INTU: variants seen among roughly 807,000 people sequenced by gnomAD.
The protein encoded by INTU is inturned planar cell polarity protein.
INTU carries 68 observed loss-of-function variants against 100.5 expected under a neutral mutation model. The observed-to-expected ratio is 0.68, with a 90% CI of 0.56 to 0.83. The LOEUF is 0.83. INTU is among the 40% of genes least tolerant of loss of function. INTU has a pLI of 0.00. For missense variants in INTU, 1,071 were observed against 1,114.7 expected (o/e 0.96, Z 0.56); for synonymous variants, 357 against 395.7 (o/e 0.90, Z 1.16).
Position 127,721,142 on chromosome 4 carries a change from A to C in INTU, c.*4706A>C, listed in dbSNP as rs1731340579. ...CCTTTCCATATTGAGTGCTTCCTTC[A>C]GGAGCACTTGCAAGGCAGGCCTGGT... On this transcript the variant is annotated 3_prime_UTR_variant, in exon 16 of 16. Coordinates refer to ENST00000335251, the MANE Select transcript of INTU (RefSeq NM_015693.4). The C allele has an allele frequency of 6.6e-6, 1 of 152,116 alleles. No homozygotes were observed. The highest frequency in any genetic ancestry group is 6.5e-5 in the Admixed American group (1 of 15,276). The allele number at this position is 152,116 out of a possible 1,614,324, so 9.4% of individuals were successfully genotyped here. A position where few individuals can be genotyped will look rare whatever the true frequency, so the allele number is the denominator to read the frequency against.
intron 6 of INTU, among the ~76,000 whole-genome samples, chr4:127,679,952 A>G (rs1324452528): frequency 5.3e-5 from 8 of 152,232 alleles, no homozygotes; most frequent in African/African-American, 1.2e-4. Context: ...ATTACAAACT[A>G]CCGTCAGAGA....
chr4:127,664,754 G>A (rs1046157897), intron 4 of INTU, among the ~76,000 whole-genome samples: 1 of 151,508 alleles, frequency 6.6e-6, no homozygotes, highest in African/African-American at 2.4e-5. Context: ...GTGTCTTTAT[G>A]TATTTGACAT....
At chr4:127,677,628 A>G (rs1215226605) in intron 6 of INTU, among the ~76,000 whole-genome samples, 1 of 152,170 alleles carries the variant, frequency 6.6e-6, no homozygotes, top group Non-Finnish European at 1.5e-5. Flanking sequence ...GACCAAAAGT[A>G]GATAAAACCA....
intron 7 of INTU, 127 bp from the exon 8 acceptor site, chr4:127,687,551 A>G (rs1457722335): frequency 1.0e-5 from 7 of 695,990 alleles, no homozygotes; most frequent in East Asian, 2.6e-5. Context: ...CAGCAATTCT[A>G]TTGAAGGAAG....
chr4:127,656,925 A>G (rs1353878396), intron 3 of INTU, among the ~76,000 whole-genome samples: 1 of 152,206 alleles, frequency 6.6e-6, no homozygotes, highest in Admixed American at 6.5e-5. Context: ...AAAAATATCT[A>G]CAAGTAAAAT....
intron 6 of INTU, among the ~76,000 whole-genome samples, chr4:127,681,493 G>A (rs1347209281): frequency 6.6e-6 from 1 of 152,130 alleles, no homozygotes; most frequent in Admixed American, 6.6e-5. Context: ...AGAAAAACAA[G>A]CAGTGGGGAA....
At position 127,713,950 on chromosome 4, in the gene INTU, A is replaced by G. The variant is rs758149515; in HGVS notation, c.2574A>G (p.Leu858=). 9 of 1,607,288 alleles carry G rather than the reference A, an allele frequency of 5.6e-6. 1 individual carries two copies. In the Admixed American group the frequency reaches 1.5e-4, roughly 27 times the overall value. ...TTAATTTACAGAAAAAGAAAGGACTAAATAGTGGAGACCATTCAGATTCTG... is the reference window on the plus strand; with the variant it reads ...TTAATTTACAGAAAAAGAAAGGACTGAATAGTGGAGACCATTCAGATTCTG... ...QTLVEEKKKG[L]NSGDHSDSAK... Residue 858 remains leucine, a synonymous_variant, in exon 15 of 16, where the codon CTA becomes CTG. Transcript: ENST00000335251.
chr4:127,676,791 A>T (rs1254671014), intron 6 of INTU, among the ~76,000 whole-genome samples: 1 of 152,148 alleles, frequency 6.6e-6, no homozygotes, highest in East Asian at 1.9e-4. Flanking sequence ...CGAAGCAGGG[A>T]GAGGCATTGC....
intron 8 of INTU, among the ~76,000 whole-genome samples, chr4:127,698,648 A>G (rs894517222): frequency 6.6e-6 from 1 of 152,008 alleles, no homozygotes; most frequent in Non-Finnish European, 1.5e-5. Flanking sequence ...ATATTTGAGA[A>G]TTTTCCTCAT....
intron 5 of INTU, among the ~76,000 whole-genome samples, chr4:127,672,863 AG>A (rs1247928303): frequency 1.3e-5 from 2 of 152,192 alleles, no homozygotes; most frequent in African/African-American, 2.4e-5. Flanking sequence ...TTCTCTTTTT[AG>A]AACATAATTA....
chr4:127,673,521 G>T (rs1202358216), intron 5 of INTU, among the ~76,000 whole-genome samples: 1 of 151,006 alleles, frequency 6.6e-6, no homozygotes, highest in Non-Finnish European at 1.5e-5. Context: ...ATTATATTTA[G>T]TCACTTAATG....
chr4:127,710,073 T>C (rs965827977), intron 13 of INTU, among the ~76,000 whole-genome samples: 7 of 152,292 alleles, frequency 4.6e-5, no homozygotes, highest in African/African-American at 1.7e-4. Context: ...ATTAACTCCA[T>C]ATCAGAATTT....
intron 6 of INTU, among the ~76,000 whole-genome samples, chr4:127,676,963 G>A (rs1009057752): frequency 3.3e-5 from 5 of 152,158 alleles, no homozygotes; most frequent in African/African-American, 1.2e-4. Context: ...CACATGGCTC[G>A]GAGGGTCCTA....
intron 10 of INTU, 42 bp downstream of exon 10, chr4:127,704,332 A>G (rs1236499526): frequency 7.0e-7 from 1 of 1,420,060 alleles, no homozygotes; most frequent in East Asian, 2.3e-5. Flanking sequence ...CTGCTGTATA[A>G]AGAGAACTAA....
intron 1 of INTU, among the ~76,000 whole-genome samples, chr4:127,642,132 G>C (rs1378555872): frequency 1.3e-5 from 2 of 152,038 alleles, no homozygotes; most frequent in Admixed American, 1.3e-4. Context: ...GATTATGGTG[G>C]GGATATAGTT....
Position 127,706,805 on chromosome 4 carries a change from A to T in INTU, c.2107A>T (p.Lys703Ter), listed in dbSNP as rs761997850. The change falls in exon 12 of 16, where the codon AAG becomes TAG. Residue 703 changes from lysine to a stop codon, truncating the protein, a stop_gained. Transcript: ENST00000335251. LOFTEE classifies it high-confidence loss of function. ...RRTLFGDYSL[K>*]TRKPSPSCSS... ...AACGCTTTTTGGTGACTATTCCTTA[A>T]AGACACGCAAGCCTAGTCCTTCCTG... 6.2e-7 allele frequency: 1 copy of T among 1,614,124 alleles called. No homozygotes were observed. Among genetic ancestry groups the T allele is most frequent in the South Asian group, 1.1e-5 (1 of 91,086 alleles).
intron 2 of INTU, among the ~76,000 whole-genome samples, chr4:127,654,718 G>A (rs1337844091): frequency 4.8e-5 from 7 of 146,992 alleles, no homozygotes; most frequent in South Asian, 2.3e-4. Context: ...TGCTCTTCTC[G>A]AGGAGTATCT....
rs562095512 is a variant in INTU, at chr4:127,665,396, T to C, written c.972+1812T>C. Among the ~76,000 whole-genome samples, 4 of 152,144 alleles carry C rather than the reference T, an allele frequency of 2.6e-5. No individual in the cohort carries two copies. The South Asian group carries it at 8.3e-4, about 32-fold the overall frequency. On this transcript the variant is annotated intron_variant, in intron 4 of 15. Transcript: ENST00000335251. ...CTCTTACATCGGAAACTGTCTTTAT[T>C]GGATCATTCTTTTCTTCCTAAAACA...
rs1225902332 is a variant in INTU at position 127,647,205 on chromosome 4, G to C, written c.682+3149G>C. Among the ~76,000 whole-genome samples, 5 of 152,278 alleles carry C rather than the reference G, an allele frequency of 3.3e-5. No individual in the cohort carries two copies. In the East Asian group the frequency reaches 9.7e-4, roughly 29 times the overall value. ...TGCATTCATCTTCTATTGCTGCCGT[G>C]ACAAATTACCACAAACTTAGTGGTT... On this transcript the variant is annotated intron_variant, in intron 2 of 15. Transcript: ENST00000335251.
Sources: gnomAD v4.1 joint callset for allele counts (sites outside exome capture counted in the v4.1 genomes callset) on GRCh38, gnomAD v4.1.1 for gene constraint, MANE v1.5 for transcripts, NCBI Gene and HGNC (gene_info 2026-07-23, HGNC 2026-07-21) for gene names.